RPS6KA6: variants seen among roughly 807,000 people sequenced by gnomAD.
The protein encoded by RPS6KA6 is ribosomal protein S6 kinase alpha-6.
Under a neutral mutation model 65.4 loss-of-function variants are expected in RPS6KA6, and 27 were observed. The observed-to-expected ratio is 0.41, with a 90% CI of 0.30 to 0.57. The LOEUF (loss-of-function observed/expected upper bound fraction) is 0.57. RPS6KA6 is among the 20% of genes least tolerant of loss of function. The pLI is 0.24. For synonymous variants in RPS6KA6, 190 were observed against 184.2 expected, an observed-to-expected ratio of 1.03 and a Z score of -0.26; for missense variants, 486 against 555.6, an observed-to-expected ratio of 0.87 and a Z score of 1.26.
At chrX:84,113,607 T>G (rs911047127) in intron 12 of RPS6KA6, among the ~76,000 whole-genome samples, 1 of 111,597 alleles carries the variant, frequency 9.0e-6, no homozygotes, top group Non-Finnish European at 1.9e-5. Context: ...TCGAGACAAT[T>G]CAACATCACT....
At position 84,148,108 on chromosome X, in the gene RPS6KA6, T is replaced by G; in HGVS notation, c.274A>C (p.Lys92Gln). 1 of 1,171,721 alleles carries G rather than the reference T, an allele frequency of 8.5e-7. No homozygotes were observed. Among genetic ancestry groups the G allele is most frequent in the Non-Finnish European group, 1.1e-6 (1 of 870,917 alleles). The change falls in exon 4 of 22, where the codon AAG (lysine) becomes CAG (glutamine). Residue 92 changes from lysine to glutamine, a missense_variant. Physicochemically the swap from Lys to Gln is moderately conservative, Grantham distance 53 (BLOSUM62 1). Around this residue, in one of 3 missense-constraint regions of RPS6KA6, gnomAD observed 106 missense variants for 105.0 expected, o/e 1.01. Transcript: ENST00000262752. ...GSFGKVFLVR[K>Q]KTGPDAGQLY... ...TGCCCAGCATCAGGACCGGTCTTCT[T>G]TCTAACAAGAAAAACCTAATAGAAA...
chrX:84,163,555 C>T (rs1050099656), intron 2 of RPS6KA6, among the ~76,000 whole-genome samples: 1 of 100,944 alleles, frequency 9.9e-6, no homozygotes, highest in Non-Finnish European at 2.0e-5. Context: ...AGGAGAATGG[C>T]GTGAACCCGG....
chrX:84,117,245 T>A (rs769073673), intron 10 of RPS6KA6, 97 bp from the exon 11 acceptor site: 15 of 687,916 alleles, frequency 2.2e-5, no homozygotes, highest in Non-Finnish European at 3.3e-5. Flanking sequence ...TTTACAAGGG[T>A]ACAGTCCTGT....
At chrX:84,142,893 T>C (rs1169735114) in intron 6 of RPS6KA6, among the ~76,000 whole-genome samples, 5 of 111,131 alleles carry the variant, frequency 4.5e-5, no homozygotes, top group Non-Finnish European at 7.6e-5. Context: ...TGGTGAATTC[T>C]ATCAATCATT....
At position 84,133,849 on chromosome X, in the gene RPS6KA6, A is replaced by T. The variant is rs958521396; in HGVS notation, c.646+933T>A. 2.7e-5 allele frequency among the ~76,000 whole-genome samples: 3 copies of T among 111,971 alleles called. No individual in the cohort carries two copies. In the Admixed American group the frequency reaches 2.9e-4, roughly 11 times the overall value. On this transcript the variant is annotated intron_variant, in intron 8 of 21. Coordinates refer to ENST00000262752, the MANE Select transcript of RPS6KA6 (RefSeq NM_014496.5). ...ATTTCTTTTGTACATGAAAAAGATA[A>T]TCAGGCTGTGAATCAATAAGAGTCA... is the stretch of plus-strand genomic sequence containing the variant.
At chrX:84,127,777 T>TAAA in intron 8 of RPS6KA6, among the ~76,000 whole-genome samples, 1 of 99,599 alleles carries the variant, frequency 1.0e-5, no homozygotes, top group South Asian at 4.3e-4. Flanking sequence ...CTCTTCATGA[T>TAAA]AAAAAAAAAA....
intron 20 of RPS6KA6, among the ~76,000 whole-genome samples, chrX:84,074,916 T>G (rs1466055844): frequency 9.0e-6 from 1 of 111,437 alleles, no homozygotes; most frequent in Non-Finnish European, 1.9e-5. Context: ...TGTTCAGAAA[T>G]TAAGTAGAGA....
rs771330654 is a variant in RPS6KA6 at position 84,115,255 on chromosome X, TAAAC to T, written c.1008+970_1008+973del. On this transcript the variant is annotated intron_variant, in intron 12 of 21. Coordinates refer to ENST00000262752, the MANE Select transcript of RPS6KA6 (RefSeq NM_014496.5). The stretch of plus-strand genomic sequence containing the variant: ...CAAGGTACTCAAACAACTCAACAGG[TAAAC>T]AAACAAACAAACAAACCTATTAAAA... Among the ~76,000 whole-genome samples, 12 of 110,333 alleles carry T rather than the reference TAAAC, an allele frequency of 1.1e-4. No individual in the cohort carries two copies. The South Asian group carries it at 1.1e-3, about 10-fold the overall frequency.
intron 12 of RPS6KA6, among the ~76,000 whole-genome samples, chrX:84,110,314 T>C (rs758704476): frequency 8.9e-6 from 1 of 112,027 alleles, no homozygotes; most frequent in South Asian, 3.7e-4. Context: ...CCCCCAACCA[T>C]GCCTGTCAGG....
intron 20 of RPS6KA6, among the ~76,000 whole-genome samples, chrX:84,081,427 G>T (rs1243077914): frequency 9.0e-6 from 1 of 111,280 alleles, no homozygotes; most frequent in Non-Finnish European, 1.9e-5. Flanking sequence ...TGAAGAAGTC[G>T]AATGCCTGAA....
chrX:84,144,359 A>AG (rs2035160607), intron 6 of RPS6KA6, among the ~76,000 whole-genome samples: 1 of 111,052 alleles, frequency 9.0e-6, no homozygotes, highest in Non-Finnish European at 1.9e-5. Flanking sequence ...ATAAAAAAAA[A>AG]CAGGCTAAAA....
In RPS6KA6 at chrX:84,064,050, A is replaced by G. The variant is rs1754695810; in HGVS notation, c.*227T>C. On this transcript the variant is annotated 3_prime_UTR_variant, in exon 22 of 22. Transcript: ENST00000262752. Reference sequence around the variant, plus strand: ...GAGAAGTTGTGAGGACCTGGTGGACACCAATTATATGCTTAAATAAACACT... The same window carrying G: ...GAGAAGTTGTGAGGACCTGGTGGACGCCAATTATATGCTTAAATAAACACT... The G allele has an allele frequency of 6.1e-6, 2 of 327,592 alleles. No individual in the cohort carries two copies. The highest frequency in any genetic ancestry group is 1.0e-5 in the Non-Finnish European group (2 of 193,122). The allele number at this position is 327,592 out of a possible 1,213,427, so 27.0% of individuals were successfully genotyped here.
At chrX:84,082,792 A>G (rs1476660662) in intron 20 of RPS6KA6, among the ~76,000 whole-genome samples, 1 of 111,461 alleles carries the variant, frequency 9.0e-6, no homozygotes, top group African/African-American at 3.3e-5. Context: ...ACATAATGCC[A>G]CACATCTACG....
chrX:84,095,954 T>C (rs1015362929), intron 20 of RPS6KA6, among the ~76,000 whole-genome samples: 2 of 111,982 alleles, frequency 1.8e-5, no homozygotes, highest in African/African-American at 6.5e-5. Context: ...TTTTGGTTAA[T>C]ACAGGAACTA....
chrX:84,161,237 T>C (rs2035506670), intron 2 of RPS6KA6, among the ~76,000 whole-genome samples: 1 of 111,446 alleles, frequency 9.0e-6, no homozygotes, highest in Non-Finnish European at 1.9e-5. Flanking sequence ...AATCCTATTG[T>C]AAGTTGAGGA....
chrX:84,186,067 C>A (rs773101385), intron 1 of RPS6KA6: 1 of 512,440 alleles, frequency 2.0e-6, no homozygotes, highest in Non-Finnish European at 3.5e-6. Context: ...TTACCTTCAC[C>A]TTTCGTTTTA....
chrX:84,065,002 G>A lies in RPS6KA6; in HGVS notation c.2081C>T (p.Pro694Leu). ...THRDQLPNDQPKRNDVSHVVK... is the reference protein window; with the variant it reads ...THRDQLPNDQLKRNDVSHVVK... ...AACATGTGACACATCATTTCTCTTT[G>A]GCTGATCATTTGGCAACTGGTCTCT... Residue 694 changes from proline (P) to leucine (L), a missense_variant, in exon 21 of 22, where the codon CCA becomes CTA. By Grantham distance (98) the Pro-to-Leu change is moderately conservative. Coordinates refer to ENST00000262752, the MANE Select transcript of RPS6KA6 (RefSeq NM_014496.5). 1 of 1,206,441 alleles carries A rather than the reference G, an allele frequency of 8.3e-7. No homozygotes were observed. The highest frequency in any genetic ancestry group is 1.1e-6 in the Non-Finnish European group (1 of 891,627).
chrX:84,185,988 T>C (rs1281867105), intron 1 of RPS6KA6: 7 of 496,815 alleles, frequency 1.4e-5, no homozygotes, highest in Non-Finnish European at 1.1e-5. Flanking sequence ...ATTAAGTAAC[T>C]TGCAGGGTTA....
Position 84,187,951 on chromosome X carries a change from C to G in RPS6KA6, c.-52G>C, listed in dbSNP as rs760840902. On this transcript the variant is annotated 5_prime_UTR_variant, in exon 1 of 22. Transcript: ENST00000262752. The stretch of plus-strand genomic sequence containing the variant: ...AGCTGCCGCCTACCGCTGGCGCGGC[C>G]GCGCATCCTGTCTATTGAACTGGCC... The G allele has an allele frequency of 9.4e-7, 1 of 1,063,305 alleles. No individual in the cohort carries two copies. The highest frequency in any genetic ancestry group is 2.6e-5 in the Admixed American group (1 of 38,061). The allele number at this position is 1,063,305 out of a possible 1,213,427, so 87.6% of individuals were successfully genotyped here.
Sources: gnomAD v4.1 joint callset for allele counts (sites outside exome capture counted in the v4.1 genomes callset) on GRCh38, gnomAD v4.1.1 for gene constraint, gnomAD v4.1.1 regional missense constraint, MANE v1.5 for transcripts, NCBI Gene and HGNC (gene_info 2026-07-23, HGNC 2026-07-21) for gene names.